Variants in TIAM1 observed in about 807,000 individuals in gnomAD.
The protein encoded by TIAM1 is rho guanine nucleotide exchange factor TIAM1.
TIAM1 carries 65 observed loss-of-function variants against 163.5 expected under a neutral mutation model. The observed-to-expected ratio is 0.40, with a 90% CI of 0.33 to 0.49. TIAM1 has a LOEUF of 0.49. Among genes scored for constraint, TIAM1 ranks in the 20% least tolerant of loss-of-function variants. The pLI, the probability that TIAM1 is intolerant of heterozygous loss-of-function variation, is 0.77. For missense variants in TIAM1, 1,789 were observed against 2,044.7 expected (o/e 0.87, Z 2.41); for synonymous variants, 833 against 810.1 (o/e 1.03, Z -0.48).
chr21:31,513,669 C>A (rs943769796), intron 1 of TIAM1, among the ~76,000 whole-genome samples: 3 of 152,042 alleles, frequency 2.0e-5, no homozygotes, highest in Admixed American at 2.0e-4. Context: ...GATACCATGC[C>A]CTTCAGTTGT....
intron 2 of TIAM1, among the ~76,000 whole-genome samples, chr21:31,318,099 A>C (rs142690097): frequency 5.0e-4 from 76 of 152,194 alleles, no homozygotes; most frequent in African/African-American, 1.7e-3. Context: ...AAAGAGGATC[A>C]AATTCTTTTT....
At chr21:31,489,987 T>A (rs2046413038) in intron 1 of TIAM1, among the ~76,000 whole-genome samples, 1 of 152,102 alleles carries the variant, frequency 6.6e-6, no homozygotes, top group Admixed American at 6.5e-5. Flanking sequence ...AAGTTTGTTC[T>A]AGGAAAAAAA....
intron 1 of TIAM1, among the ~76,000 whole-genome samples, chr21:31,541,101 A>G (rs2048311950): frequency 6.6e-6 from 1 of 152,218 alleles, no homozygotes; most frequent in Non-Finnish European, 1.5e-5. Context: ...CAGAACCCAC[A>G]TCCTGGGAAT....
At chr21:31,235,829 T>A (rs996900277) in intron 6 of TIAM1, among the ~76,000 whole-genome samples, 1 of 152,196 alleles carries the variant, frequency 6.6e-6, no homozygotes, top group Non-Finnish European at 1.5e-5. Flanking sequence ...ACCTCTGCAG[T>A]GTGGGGAAAC....
In TIAM1 at chr21:31,223,444, G is replaced by C; in HGVS notation, c.1957C>G (p.Arg653Gly). ...GATGATACCGAAAAGATTCCAAGGCGGCCCATGGCCACTTTCGTTGGTCGA... is the reference window on the plus strand; with the variant it reads ...GATGATACCGAAAAGATTCCAAGGCCGCCCATGGCCACTTTCGTTGGTCGA... Reference protein sequence around the residue: ...ASRPTKVAMGRLGIFSVSSFH... With the variant: ...ASRPTKVAMGGLGIFSVSSFH... Residue 653 changes from arginine (R) to glycine (G), a missense_variant, in exon 8 of 28, where the codon CGC becomes GGC. Physicochemically the swap from Arg to Gly is moderately radical, Grantham distance 125. Around this residue, in one of 5 missense-constraint regions of TIAM1, gnomAD observed 456 missense variants for 586.6 expected, o/e 0.78. Transcript: ENST00000541036. 2 of 1,613,678 alleles carry C rather than the reference G, an allele frequency of 1.2e-6. No homozygotes were observed. The highest frequency in any genetic ancestry group is 1.7e-6 in the Non-Finnish European group (2 of 1,179,716).
rs142215733 is a variant in TIAM1 at position 31,127,668 on chromosome 21, G to A, written c.4046-516C>T. ...CCTGATCTCATGATCCACCCGCCTCGGCCTCCCAAAGTGCTGGGATTACAA... is the reference window on the plus strand; with the variant it reads ...CCTGATCTCATGATCCACCCGCCTCAGCCTCCCAAAGTGCTGGGATTACAA... On this transcript the variant is annotated intron_variant, in intron 25 of 27. Coordinates refer to ENST00000541036, the MANE Select transcript of TIAM1 (RefSeq NM_001353694.2). 2.2e-4 allele frequency among the ~76,000 whole-genome samples: 33 copies of A among 152,076 alleles called. 1 individual carries two copies. The East Asian group carries it at 6.0e-3, about 28-fold the overall frequency.
rs553265671 is a variant in TIAM1 at position 31,357,299 on chromosome 21, C to T, written c.-368-17877G>A. Among the ~76,000 whole-genome samples the T allele has an allele frequency of 1.2e-3, 179 of 152,328 alleles. 2 individuals carry two copies. Among genetic ancestry groups the T allele is most frequent in the African/African-American group, 4.0e-3 (167 of 41,580 alleles). On this transcript the variant is annotated intron_variant, in intron 2 of 28. Coordinates refer to the TIAM1 transcript ENST00000286827. ...ACACTCACGAAGTTTATGTCTTCTGCTTTCCTTCCAGATTCCCAACAATTT... is the reference window on the plus strand; with the variant it reads ...ACACTCACGAAGTTTATGTCTTCTGTTTTCCTTCCAGATTCCCAACAATTT...
At chr21:31,434,470 G>C (rs1285491920) in intron 2 of TIAM1, among the ~76,000 whole-genome samples, 1 of 152,214 alleles carries the variant, frequency 6.6e-6, no homozygotes, top group Non-Finnish European at 1.5e-5. Flanking sequence ...AAATGGGCAT[G>C]CTAAAGCGTT....
intron 15 of TIAM1, among the ~76,000 whole-genome samples, chr21:31,178,456 G>A (rs898978705): frequency 3.9e-5 from 6 of 151,966 alleles, no homozygotes; most frequent in Non-Finnish European, 7.4e-5. Context: ...ACAGGCACCC[G>A]CCACCTTGCC....
intron 4 of TIAM1, among the ~76,000 whole-genome samples, chr21:31,262,515 A>G (rs988917119): frequency 2.0e-5 from 3 of 152,232 alleles, no homozygotes; most frequent in African/African-American, 7.2e-5. Flanking sequence ...CACAGCGCAC[A>G]TGTGGATGCA....
chr21:31,283,942 G>A (rs1337654399), intron 2 of TIAM1, among the ~76,000 whole-genome samples: 2 of 152,172 alleles, frequency 1.3e-5, no homozygotes, highest in African/African-American at 4.8e-5. Flanking sequence ...ACAGCTTTGG[G>A]CTCGCTCTTG....
At chr21:31,380,500 A>G (rs1389446485) in intron 2 of TIAM1, among the ~76,000 whole-genome samples, 1 of 152,168 alleles carries the variant, frequency 6.6e-6, no homozygotes, top group Non-Finnish European at 1.5e-5. Flanking sequence ...CTGAGATCAC[A>G]CCATTGCACT....
chr21:31,485,112 AT>A (rs35541540), intron 1 of TIAM1, among the ~76,000 whole-genome samples: 8 of 14,180 alleles, frequency 5.6e-4, no homozygotes, highest in Admixed American at 4.4e-3. Context: ...GAATAATTTC[AT>A]TCTTTCAGAG....
chr21:31,129,662 C>T (rs998436508), intron 25 of TIAM1, among the ~76,000 whole-genome samples: 1 of 152,140 alleles, frequency 6.6e-6, no homozygotes, highest in African/African-American at 2.4e-5. Flanking sequence ...AATGAGACCC[C>T]ATCTTTAAAA....
rs565286607 is a variant in TIAM1 at position 31,537,484 on chromosome 21, G to C, written c.-422+21443C>G. ...AGTATTAATAGGGCCGAGAGCAGTG[G>C]CTCATGCCTGTTATCCCAGCACTTT... On this transcript the variant is annotated intron_variant, in intron 1 of 28. Transcript: ENST00000286827. Among the ~76,000 whole-genome samples, 13 of 151,788 alleles carry C rather than the reference G, an allele frequency of 8.6e-5. No homozygotes were observed. In the South Asian group the frequency reaches 1.0e-3, roughly 12 times the overall value.
intron 1 of TIAM1, among the ~76,000 whole-genome samples, chr21:31,483,652 A>C (rs1238363479): frequency 1.3e-5 from 2 of 152,112 alleles, no homozygotes; most frequent in Non-Finnish European, 2.9e-5. Flanking sequence ...CTACAAAATC[A>C]AGAAAAATGA....
At chr21:31,439,378 T>C (rs528493655) in intron 2 of TIAM1, among the ~76,000 whole-genome samples, 1 of 152,252 alleles carries the variant, frequency 6.6e-6, no homozygotes, top group East Asian at 1.9e-4. Flanking sequence ...CAACCTCTGT[T>C]TCCTGGGTTC....
At chr21:31,265,007 T>C (rs2072674494) in intron 4 of TIAM1, among the ~76,000 whole-genome samples, 1 of 152,082 alleles carries the variant, frequency 6.6e-6, no homozygotes, top group African/African-American at 2.4e-5. Flanking sequence ...TCCACATTTC[T>C]TTCTTTCTTT....
intron 23 of TIAM1, among the ~76,000 whole-genome samples, chr21:31,131,936 C>G (rs1053954586): frequency 3.3e-5 from 5 of 152,180 alleles, no homozygotes; most frequent in Admixed American, 2.0e-4. Flanking sequence ...TCTTGGACTT[C>G]CAGCCTCCAC....
Sources: allele counts gnomAD v4.1 joint callset (sites outside exome capture counted in the v4.1 genomes callset), GRCh38; gene constraint gnomAD v4.1.1; regional missense constraint gnomAD v4.1.1; transcripts MANE v1.5; gene names NCBI Gene and HGNC (gene_info 2026-07-23, HGNC 2026-07-21).